Variants in NXPE3 observed in about 807,000 individuals in gnomAD.
NXPE3 encodes neurexophilin and PC-esterase domain family member 3.
Under a neutral mutation model 46.1 loss-of-function variants are expected in NXPE3, and 26 were observed. The observed-to-expected ratio is 0.56, with a 90% CI of 0.41 to 0.78. NXPE3 has a LOEUF of 0.78. NXPE3 is among the 30% of genes least tolerant of loss of function. The probability of loss-of-function intolerance (pLI) is 0.00; values close to 1 mark genes in which losing one functional copy is unlikely to be tolerated. For missense variants in NXPE3, 620 were observed against 686.0 expected, an observed-to-expected ratio of 0.90 and a Z score of 1.07; for synonymous variants, 272 against 257.9, an observed-to-expected ratio of 1.05 and a Z score of -0.52.
At chr3:101,785,744 G>C in intron 4 of NXPE3, 55 bp downstream of exon 4, 1 of 1,435,898 alleles carries the variant, frequency 7.0e-7, no homozygotes, top group Non-Finnish European at 9.8e-7. Context: ...GGGGATCTGG[G>C]GCTAACTAGC....
intron 4 of NXPE3, among the ~76,000 whole-genome samples, chr3:101,793,768 C>T (rs193203815): frequency 1.3e-5 from 2 of 151,564 alleles, no homozygotes; most frequent in Admixed American, 1.3e-4. Context: ...CCCCAGCCTC[C>T]AATAGTTTCT....
intron 4 of NXPE3, among the ~76,000 whole-genome samples, chr3:101,787,956 A>G (rs371870480): frequency 2.6e-5 from 4 of 152,312 alleles, no homozygotes; most frequent in South Asian, 2.1e-4. Flanking sequence ...TAATTTTTTG[A>G]GGAACCACCA....
intron 6 of NXPE3, among the ~76,000 whole-genome samples, chr3:101,813,747 T>C (rs1183503522): frequency 6.6e-6 from 1 of 152,244 alleles, no homozygotes; most frequent in African/African-American, 2.4e-5. Context: ...TTATTCCATG[T>C]GAATAGTACA....
intron 2 of NXPE3, among the ~76,000 whole-genome samples, 171 bp downstream of exon 2, chr3:101,782,461 T>C (rs532367787): frequency 7.5e-4 from 114 of 152,232 alleles, no homozygotes; most frequent in African/African-American, 2.7e-3. Context: ...ACCAAAAACC[T>C]GTTACAGTTT....
intron 6 of NXPE3, among the ~76,000 whole-genome samples, chr3:101,813,077 C>G (rs1941797740): frequency 6.6e-6 from 1 of 152,116 alleles, no homozygotes; most frequent in South Asian, 2.1e-4. Context: ...ATTCCCAGCA[C>G]TTGACAGAGT....
At chr3:101,816,514 A>G (rs1283797494) in intron 6 of NXPE3, among the ~76,000 whole-genome samples, 2 of 151,918 alleles carry the variant, frequency 1.3e-5, no homozygotes, top group African/African-American at 2.4e-5. Flanking sequence ...GAGTGAGAAC[A>G]TGTGGTGTTT....
chr3:101,808,837 A>ATG (rs1357602268), intron 6 of NXPE3, among the ~76,000 whole-genome samples: 6 of 118,308 alleles, frequency 5.1e-5, no homozygotes, highest in South Asian at 5.5e-4. Context: ...ATATATATAT[A>ATG]TATATATATA....
rs199573890 is a variant in NXPE3 at position 101,821,826 on chromosome 3, G to A, written c.1552G>A (p.Val518Ile). Residue 518 changes from valine to isoleucine, a missense_variant, in exon 8 of 8, where the codon GTA (valine) becomes ATA (isoleucine). Physicochemically the swap from Val to Ile is conservative, Grantham distance 29. Around this residue, in one of 3 missense-constraint regions of NXPE3, gnomAD observed 75 missense variants for 121.1 expected, o/e 0.62. Coordinates refer to ENST00000273347, the MANE Select transcript of NXPE3 (RefSeq NM_145037.4). ...TCGGAGGATGTTCTCAGGGGTTGGA[G>A]TATATCTCGTCGATGCCTGGGAGAT... ...ILRRMFSGVG[V>I]YLVDAWEMTL... is the part of the protein sequence containing the mutation. 12 of 1,614,174 alleles carry A rather than the reference G, an allele frequency of 7.4e-6. No homozygotes were observed. In the South Asian group the frequency reaches 1.2e-4, roughly 16 times the overall value.
chr3:101,783,435 T>C (rs1011866629), intron 3 of NXPE3, among the ~76,000 whole-genome samples: 1 of 152,214 alleles, frequency 6.6e-6, no homozygotes, highest in Admixed American at 6.5e-5. Flanking sequence ...CAAATGGGTC[T>C]CTCAAATGTC....
intron 4 of NXPE3, among the ~76,000 whole-genome samples, chr3:101,796,483 T>C (rs1940835442): frequency 6.6e-6 from 1 of 152,172 alleles, no homozygotes; most frequent in African/African-American, 2.4e-5. Context: ...TATCAGTCAG[T>C]TGGGCGAGGA....
intron 5 of NXPE3, among the ~76,000 whole-genome samples, chr3:101,802,662 A>G (rs187605441): frequency 6.6e-6 from 1 of 152,132 alleles, no homozygotes; most frequent in Admixed American, 6.5e-5. Flanking sequence ...AATACCACAG[A>G]AAACTATATT....
rs1000537403 is a variant in NXPE3, at chr3:101,827,838, C to T, written c.*5884C>T. 6.6e-6 allele frequency among the ~76,000 whole-genome samples: 1 copy of T among 152,146 alleles called. No individual in the cohort carries two copies. The highest frequency in any genetic ancestry group is 2.4e-5 in the African/African-American group (1 of 41,418). ...CTGCCCCCTCCCTGCCTCCTCTGGC[C>T]CTCCTCAGTGCCCACGCAACCCGGT... On this transcript the variant is annotated 3_prime_UTR_variant, in exon 8 of 8. Transcript: ENST00000273347.
chr3:101,807,122 A>G lies in NXPE3; in HGVS notation c.918A>G (p.Ile306Met). 1.2e-6 allele frequency: 2 copies of G among 1,609,396 alleles called. No homozygotes were observed. Among genetic ancestry groups the G allele is most frequent in the Non-Finnish European group, 1.7e-6 (2 of 1,176,022 alleles). Reference protein sequence around the residue: ...PDWVTVIPRRIKETNSLELSQ... With the variant: ...PDWVTVIPRRMKETNSLELSQ... The stretch of plus-strand genomic sequence containing the variant: ...GGGTAACTGTGATTCCCAGGAGAAT[A>G]AAAGGTAAAAAAAAGAATAAGCTTG... Residue 306 changes from isoleucine (I) to methionine (M), a missense_variant, in exon 6 of 8, where the codon ATA becomes ATG. Around this residue, in one of 3 missense-constraint regions of NXPE3, gnomAD observed 511 missense variants for 528.6 expected, o/e 0.97. Coordinates refer to ENST00000273347, the MANE Select transcript of NXPE3 (RefSeq NM_145037.4).
chr3:101,819,300 C>T (rs1338410186), intron 7 of NXPE3, among the ~76,000 whole-genome samples: 1 of 152,176 alleles, frequency 6.6e-6, no homozygotes, highest in Non-Finnish European at 1.5e-5. Context: ...GGTGCACGTA[C>T]TAAGTGATGA....
rs764484594 is a variant in NXPE3 at position 101,801,409 on chromosome 3, C to G, written c.268C>G (p.Pro90Ala). The G allele has an allele frequency of 9.9e-6, 16 of 1,614,206 alleles. No individual in the cohort carries two copies. The highest frequency in any genetic ancestry group is 1.4e-5 in the Non-Finnish European group (16 of 1,180,030). ...GCTGGCTGCCTTGCACCGGCAGGTT[C>G]CTGATGTGGGCCCAGTCCCCTTTGT... ...SLLAALHRQV[P>A]DVGPVPFVKS... The change falls in exon 5 of 8, where the codon CCT (proline) becomes GCT (alanine). Residue 90 changes from proline (P) to alanine (A), a missense_variant. By Grantham distance (27) the Pro-to-Ala change is conservative. Transcript: ENST00000273347.
chr3:101,811,720 G>A (rs1336332830), intron 6 of NXPE3, among the ~76,000 whole-genome samples: 2 of 147,232 alleles, frequency 1.4e-5, no homozygotes, highest in Non-Finnish European at 3.0e-5. Flanking sequence ...TTTGCCTGCA[G>A]TAGTTAATTT....
At chr3:101,798,475 C>G (rs1007938552) in intron 4 of NXPE3, among the ~76,000 whole-genome samples, 12 of 151,144 alleles carry the variant, frequency 7.9e-5, no homozygotes, top group African/African-American at 2.7e-4. Context: ...ACCTCTAACT[C>G]CTGGGCTCAA....
At chr3:101,818,570 A>C (rs1375958621) in intron 7 of NXPE3, among the ~76,000 whole-genome samples, 1 of 151,576 alleles carries the variant, frequency 6.6e-6, no homozygotes, top group African/African-American at 2.4e-5. Context: ...ATCTAATCAA[A>C]AGAAAGTGGT....
In NXPE3 at chr3:101,802,471, T is replaced by A. The variant is rs1032603531; in HGVS notation, c.848+482T>A. Among the ~76,000 whole-genome samples the A allele has an allele frequency of 1.2e-4, 18 of 151,704 alleles. 1 individual carries two copies. Among genetic ancestry groups the A allele is most frequent in the African/African-American group, 3.9e-4 (16 of 41,090 alleles). ...CATCTATTTTATGTAAAGAAAAAAA[T>A]AATCCAAGAACAGGGCTGGTAGGGC... On this transcript the variant is annotated intron_variant, in intron 5 of 7. Transcript: ENST00000273347.
Sources: allele counts gnomAD v4.1 joint callset (sites outside exome capture counted in the v4.1 genomes callset), GRCh38; gene constraint gnomAD v4.1.1; regional missense constraint gnomAD v4.1.1; transcripts MANE v1.5; gene names NCBI Gene and HGNC (gene_info 2026-07-23, HGNC 2026-07-21).